The following CNTFR variants were observed in gnomAD, a reference collection of about 807,000 sequenced individuals.
The protein encoded by CNTFR is ciliary neurotrophic factor receptor subunit alpha.
Under a neutral mutation model 40.4 loss-of-function variants are expected in CNTFR, and 12 were observed. That is an observed-to-expected ratio of 0.30 (90% confidence interval 0.19 to 0.48). The LOEUF is 0.48. CNTFR is among the 20% of genes least tolerant of loss of function. The probability of loss-of-function intolerance (pLI) is 0.99; values close to 1 mark genes in which losing one functional copy is unlikely to be tolerated. For synonymous variants in CNTFR, 202 were observed against 209.6 expected, an observed-to-expected ratio of 0.96 and a Z score of 0.31; for missense variants, 414 against 506.8, an observed-to-expected ratio of 0.82 and a Z score of 1.76.
rs887959087 is a variant in CNTFR at position 34,557,194 on chromosome 9, G to GC, written c.604+331_604+332insG. On this transcript the variant is annotated intron_variant, in intron 6 of 9. Transcript: ENST00000378980. The surrounding 1 kb of genome is among the most constrained non-coding windows in gnomAD (Gnocchi z 4.2). ...GTCCGTAAGGAAGCCATTAGAGTTG[G>GC]GGGGGGGTGCGGTGGAGGCTGCAGC... Among the ~76,000 whole-genome samples, 3 of 151,310 alleles carry GC rather than the reference G, an allele frequency of 2.0e-5. No individual in the cohort carries two copies. Among genetic ancestry groups the GC allele is most frequent in the Non-Finnish European group, 3.0e-5 (2 of 67,706 alleles).
chr9:34,567,266 A>G (rs1826349011), intron 3 of CNTFR, among the ~76,000 whole-genome samples: 1 of 152,332 alleles, frequency 6.6e-6, no homozygotes, highest in Admixed American at 6.5e-5. Flanking sequence ...GATGAGAGAC[A>G]GAGACGGGAT....
intron 4 of CNTFR, among the ~76,000 whole-genome samples, chr9:34,562,912 T>G (rs1826126666): frequency 6.6e-6 from 1 of 152,146 alleles, no homozygotes; most frequent in African/African-American, 2.4e-5. Context: ...GCTGGCTCCT[T>G]CTTATTTCTT....
At position 34,557,196 on chromosome 9, in the gene CNTFR, G is replaced by C. The variant is rs1455712561; in HGVS notation, c.604+330C>G. Among the ~76,000 whole-genome samples, 1 of 151,578 alleles carries C rather than the reference G, an allele frequency of 6.6e-6. No individual in the cohort carries two copies. Among genetic ancestry groups the C allele is most frequent in the African/African-American group, 2.4e-5 (1 of 41,312 alleles). On this transcript the variant is annotated intron_variant, in intron 6 of 9. Transcript: ENST00000378980. The surrounding 1 kb of genome is among the most constrained non-coding windows in gnomAD (Gnocchi z 4.2). ...CCGTAAGGAAGCCATTAGAGTTGGG[G>C]GGGGGTGCGGTGGAGGCTGCAGCTG...
chr9:34,557,990 G>A lies in CNTFR; in HGVS notation c.320-6C>T. On this transcript the variant is annotated splice_region_variant and splice_polypyrimidine_tract_variant and intron_variant, in intron 4 of 9. Transcript: ENST00000378980. This position sits in a 1 kb window ranked among gnomAD's most constrained non-coding sequence, Gnocchi z 4.2. Reference sequence around the variant, plus strand: ...CACAGGCTCCCGCGGCGGCACTGGGGGTGAGGACAGTATGGTCAGGGCATT... The same window carrying A: ...CACAGGCTCCCGCGGCGGCACTGGGAGTGAGGACAGTATGGTCAGGGCATT... 6.5e-7 allele frequency: 1 copy of A among 1,533,336 alleles called. No individual in the cohort carries two copies. 95.0% of individuals were successfully genotyped at this position (1,533,336 alleles called of 1,614,324 possible).
At chr9:34,553,687 C>T (rs1825724197) in intron 7 of CNTFR, among the ~76,000 whole-genome samples, 1 of 152,168 alleles carries the variant, frequency 6.6e-6, no homozygotes, top group South Asian at 2.1e-4. Flanking sequence ...GAGGCATCGC[C>T]ACCCCACTCT....
chr9:34,562,640 G>A (rs548497301), intron 4 of CNTFR, among the ~76,000 whole-genome samples: 29 of 152,320 alleles, frequency 1.9e-4, no homozygotes, highest in Admixed American at 1.9e-3. Context: ...TAGCTTCTAC[G>A]GAATAAGGAG....
intron 2 of CNTFR, among the ~76,000 whole-genome samples, chr9:34,576,729 G>A (rs911696060): frequency 2.0e-5 from 3 of 152,208 alleles, no homozygotes; most frequent in African/African-American, 7.2e-5. Flanking sequence ...GGTGGCACTG[G>A]AATCAGCAAG....
Position 34,552,936 on chromosome 9 carries a change from C to T in CNTFR, c.769-82G>A. ...GTCCCTCCAGAGGAAGTGAGCATGC[C>T]TCTGAGGAGAGGAGAGTAAAGGGCT... On this transcript the variant is annotated intron_variant, in intron 7 of 9. Coordinates refer to ENST00000378980, the MANE Select transcript of CNTFR (RefSeq NM_147164.3). This position sits in a 1 kb window ranked among gnomAD's most constrained non-coding sequence, Gnocchi z 5.1. 1 of 1,411,478 alleles carries T rather than the reference C, an allele frequency of 7.1e-7. No individual in the cohort carries two copies. The highest frequency in any genetic ancestry group is 9.7e-7 in the Non-Finnish European group (1 of 1,028,438). The allele number at this position is 1,411,478 out of a possible 1,614,324, so 87.4% of individuals were successfully genotyped here.
At chr9:34,584,865 T>A (rs1827475428) in intron 1 of CNTFR, among the ~76,000 whole-genome samples, 1 of 152,128 alleles carries the variant, frequency 6.6e-6, no homozygotes, top group African/African-American at 2.4e-5. Context: ...AAGGAGCCTA[T>A]CCTCTGCACT....
At chr9:34,588,712 G>T (rs1188122611) in intron 1 of CNTFR, among the ~76,000 whole-genome samples, 1 of 152,190 alleles carries the variant, frequency 6.6e-6, no homozygotes, top group African/African-American at 2.4e-5. Flanking sequence ...GGGGACAAGG[G>T]AGCGAGCAAG....
intron 1 of CNTFR, among the ~76,000 whole-genome samples, chr9:34,585,331 G>A (rs1224810006): frequency 6.6e-6 from 1 of 152,130 alleles, no homozygotes; most frequent in East Asian, 1.9e-4. Flanking sequence ...TGACTACCCT[G>A]GGGTCTGGAG....
chr9:34,552,598 G>T lies in CNTFR; in HGVS notation c.949+76C>A. The T allele has an allele frequency of 2.7e-6, 4 of 1,476,980 alleles. No homozygotes were observed. Among genetic ancestry groups the T allele is most frequent in the Non-Finnish European group, 2.7e-6 (3 of 1,095,694 alleles). 91.5% of individuals were successfully genotyped at this position (1,476,980 alleles called of 1,614,324 possible). ...GGGAGCAGAGGCTGGAGGCAGCAGG[G>T]TAGAACCAGGCCACAGGTTCTACCA... On this transcript the variant is annotated intron_variant, in intron 8 of 9. Coordinates refer to ENST00000378980, the MANE Select transcript of CNTFR (RefSeq NM_147164.3). The surrounding 1 kb of genome is among the most constrained non-coding windows in gnomAD (Gnocchi z 5.1).
rs1564058616 is a variant in CNTFR at position 34,557,197 on chromosome 9, G to T, written c.604+329C>A. ...CGTAAGGAAGCCATTAGAGTTGGGG[G>T]GGGGTGCGGTGGAGGCTGCAGCTGC... On this transcript the variant is annotated intron_variant, in intron 6 of 9. Transcript: ENST00000378980. This position sits in a 1 kb window ranked among gnomAD's most constrained non-coding sequence, Gnocchi z 4.2. 6.6e-6 allele frequency among the ~76,000 whole-genome samples: 1 copy of T among 151,460 alleles called. No individual in the cohort carries two copies. The highest frequency in any genetic ancestry group is 2.4e-5 in the African/African-American group (1 of 41,256).
In CNTFR at chr9:34,556,301, T is replaced by A. The variant is rs1192332233; in HGVS notation, c.722A>T (p.Lys241Met). 3 of 1,613,660 alleles carry A rather than the reference T, an allele frequency of 1.9e-6. No individual in the cohort carries two copies. Among genetic ancestry groups the A allele is most frequent in the Non-Finnish European group, 2.5e-6 (3 of 1,179,900 alleles). The change falls in exon 7 of 10, where the codon AAG becomes ATG. Residue 241 changes from lysine (K) to methionine (M), a missense_variant. Physicochemically the swap from Lys to Met is moderately conservative, Grantham distance 95. Coordinates refer to ENST00000378980, the MANE Select transcript of CNTFR (RefSeq NM_147164.3). The stretch of plus-strand genomic sequence containing the variant: ...GAGGGGTCGGTAGCGCAGAAAGAAC[T>A]TGAGAGGAAAAGACTCAGGGTCAGG... ...TWPDPESFPL[K>M]FFLRYRPLIL...
chr9:34,587,495 C>T (rs907937911), intron 1 of CNTFR, among the ~76,000 whole-genome samples: 2 of 151,990 alleles, frequency 1.3e-5, no homozygotes, highest in Non-Finnish European at 2.9e-5. Flanking sequence ...TCCAGGTTAC[C>T]CATGGAGGTC....
intron 4 of CNTFR, among the ~76,000 whole-genome samples, chr9:34,561,182 G>A (rs897269786): frequency 6.6e-6 from 1 of 152,088 alleles, no homozygotes; most frequent in East Asian, 1.9e-4. Flanking sequence ...ATGCCCCGGC[G>A]ACCTCCCACT....
At chr9:34,563,509 C>A (rs535385358) in intron 4 of CNTFR, among the ~76,000 whole-genome samples, 1 of 152,392 alleles carries the variant, frequency 6.6e-6, no homozygotes, top group Non-Finnish European at 1.5e-5. Context: ...ACCTAACTTC[C>A]TTTTTGTGTG....
intron 2 of CNTFR, among the ~76,000 whole-genome samples, chr9:34,576,851 T>G (rs1826990971): frequency 6.6e-6 from 1 of 152,242 alleles, no homozygotes; most frequent in Non-Finnish European, 1.5e-5. Flanking sequence ...AGCTATCTGC[T>G]GTGTGATCCC....
intron 2 of CNTFR, among the ~76,000 whole-genome samples, chr9:34,578,930 T>C (rs1484997156): frequency 2.0e-5 from 3 of 152,282 alleles, no homozygotes; most frequent in African/African-American, 7.2e-5. Context: ...GATCCGCCTT[T>C]AGGAGGGACA....
Sources: allele counts gnomAD v4.1 joint callset (sites outside exome capture counted in the v4.1 genomes callset), GRCh38; gene constraint gnomAD v4.1.1; non-coding constraint Gnocchi (gnomAD v3.1); transcripts MANE v1.5; gene names NCBI Gene and HGNC (gene_info 2026-07-23, HGNC 2026-07-21).